Variants in GRHL3 observed in about 807,000 individuals in gnomAD.
GRHL3 encodes grainyhead like transcription factor 3.
GRHL3 carries 20 observed loss-of-function variants against 70.3 expected under a neutral mutation model. The ratio of observed to expected loss-of-function variants is 0.28; its 90% CI spans 0.20 to 0.41. The LOEUF is 0.41. GRHL3 is among the 10% of genes least tolerant of loss of function. The pLI, the probability that GRHL3 is intolerant of heterozygous loss-of-function variation, is 1.00. For synonymous variants in GRHL3, 299 were observed against 299.9 expected, an observed-to-expected ratio of 1.00 and a Z score of 0.03; for missense variants, 637 against 762.3, an observed-to-expected ratio of 0.84 and a Z score of 1.94.
At chr1:24,331,725 T>A in intron 2 of GRHL3, 113 bp downstream of exon 2, 1 of 851,672 alleles carries the variant, frequency 1.2e-6, no homozygotes. Context: ...CTCTGGGCCT[T>A]TGCACAATGC....
rs1051060619 is a variant in GRHL3 at position 24,322,038 on chromosome 1, C to T, written c.17+2470C>T. On this transcript the variant is annotated intron_variant, in intron 1 of 15. Transcript: ENST00000361548. The surrounding 1 kb of genome is among the most constrained non-coding windows in gnomAD (Gnocchi z 4.4). ...GGTTTTCCTGAAGGTGCGTCGGGGC[C>T]CCCGGGGAGCTGGAGCCGCAGGCGA... 1.6e-4 allele frequency: 25 copies of T among 152,208 alleles called. No individual in the cohort carries two copies. Among genetic ancestry groups the T allele is most frequent in the Non-Finnish European group, 1.8e-4 (12 of 67,982 alleles). 9.4% of individuals were successfully genotyped at this position (152,208 alleles called of 1,614,324 possible).
intron 2 of GRHL3, among the ~76,000 whole-genome samples, chr1:24,331,827 G>A (rs1639627257): frequency 1.3e-5 from 2 of 152,152 alleles, no homozygotes; most frequent in Admixed American, 1.3e-4. Context: ...TTCATTCACT[G>A]GAGAGGAGGC....
intron 4 of GRHL3, 64 bp downstream of exon 4, chr1:24,336,891 G>A: frequency 7.3e-7 from 1 of 1,375,114 alleles, no homozygotes; most frequent in Non-Finnish European, 1.0e-6. Flanking sequence ...AATGAGAGAA[G>A]ATAGTGAACA....
Position 24,342,956 on chromosome 1 carries a change from T to C in GRHL3, c.1350T>C (p.Thr450=), listed in dbSNP as rs1640106604. The stretch of plus-strand genomic sequence containing the variant: ...AGACGACCTACCTTCGGCCAGAGAC[T>C]GACCTGGAGACGCCACCCGTGCTGT... The part of the protein sequence containing the change: ...GNETTYLRPE[T]DLETPPVLFI... Residue 450 remains threonine, a synonymous_variant, in exon 11 of 16, where the codon ACT becomes ACC. Transcript: ENST00000361548. The surrounding 1 kb of genome is among the most constrained non-coding windows in gnomAD (Gnocchi z 4.8). The C allele has an allele frequency of 6.2e-7, 1 of 1,613,990 alleles. No individual in the cohort carries two copies. The highest frequency in any genetic ancestry group is 8.5e-7 in the Non-Finnish European group (1 of 1,180,018).
At chr1:24,361,826 T>C (rs1641138514) in intron 15 of GRHL3, among the ~76,000 whole-genome samples, 1 of 152,178 alleles carries the variant, frequency 6.6e-6, no homozygotes, top group African/African-American at 2.4e-5. Context: ...TAACTCATTC[T>C]GGGCCTCAGT....
Position 24,342,813 on chromosome 1 carries a change from GAAGGGGAGA to G in GRHL3, c.1285+43_1285+51del. ...GGGCCTGGGTGGGCTCGGCTGGCGT[GAAGGGGAGA>G]AGGAGACCAGAGGTGGGAGGGACTT... On this transcript the variant is annotated intron_variant, in intron 10 of 15. Transcript: ENST00000361548. The surrounding 1 kb of genome is among the most constrained non-coding windows in gnomAD (Gnocchi z 4.8). 1 of 1,613,794 alleles carries G rather than the reference GAAGGGGAGA, an allele frequency of 6.2e-7. No homozygotes were observed. Among genetic ancestry groups the G allele is most frequent in the Non-Finnish European group, 8.5e-7 (1 of 1,179,646 alleles).
chr1:24,324,837 A>G (rs1374987749), intron 1 of GRHL3, among the ~76,000 whole-genome samples: 1 of 152,126 alleles, frequency 6.6e-6, no homozygotes. Context: ...ATACTGCCTC[A>G]TGCAAACTGG....
chr1:24,329,054 C>T (rs181098110), intron 1 of GRHL3, among the ~76,000 whole-genome samples: 1 of 152,264 alleles, frequency 6.6e-6, no homozygotes, highest in African/African-American at 2.4e-5. Context: ...TGAGGAGGGG[C>T]CTCTTCTCAC....
intron 1 of GRHL3, among the ~76,000 whole-genome samples, chr1:24,325,757 C>A (rs1639365347): frequency 6.6e-6 from 1 of 151,764 alleles, no homozygotes; most frequent in Admixed American, 6.6e-5. Context: ...AGCACTGGCC[C>A]CGGCAATTTG....
chr1:24,337,283 A>T, intron 5 of GRHL3, 132 bp downstream of exon 5: 1 of 649,392 alleles, frequency 1.5e-6, no homozygotes, highest in Non-Finnish European at 2.7e-6. Flanking sequence ...GCAGATAGAT[A>T]GAGGGAGACA....
At chr1:24,340,344 A>C (rs1446147328) in intron 8 of GRHL3, among the ~76,000 whole-genome samples, 1 of 152,206 alleles carries the variant, frequency 6.6e-6, no homozygotes, top group East Asian at 1.9e-4. Flanking sequence ...CCTGCCTGCT[A>C]GGATTGGAGT....
chr1:24,331,870 C>T (rs1639629106), intron 2 of GRHL3, among the ~76,000 whole-genome samples: 1 of 152,218 alleles, frequency 6.6e-6, no homozygotes, highest in South Asian at 2.1e-4. Flanking sequence ...CAACCACCAT[C>T]GTCGTCCTTG....
intron 1 of GRHL3, among the ~76,000 whole-genome samples, chr1:24,324,329 G>A (rs1162416834): frequency 6.6e-6 from 1 of 152,120 alleles, no homozygotes; most frequent in Non-Finnish European, 1.5e-5. Flanking sequence ...CCTGGGTCCT[G>A]ACGATGAAGC....
At chr1:24,320,280 G>C (rs1252816302) in intron 1 of GRHL3, among the ~76,000 whole-genome samples, 1 of 152,232 alleles carries the variant, frequency 6.6e-6, no homozygotes, top group African/African-American at 2.4e-5. Flanking sequence ...CTCTCATTCA[G>C]AGGCAGTTCT....
chr1:24,336,731 T>A lies in GRHL3; in HGVS notation c.516T>A (p.Asp172Glu), dbSNP rs752284034. ...TGTTACCCACCACTGATATGTATGA[T>A]AATGGCTCCCTCAACTCCTTGTTTG... ...SYLLPTTDMY[D>E]NGSLNSLFES... Residue 172 changes from aspartate (D) to glutamate (E), a missense_variant, in exon 4 of 16, where the codon GAT (aspartate) becomes GAA (glutamate). Asp to Glu is a conservative substitution (Grantham distance 45). Coordinates refer to ENST00000361548, the MANE Select transcript of GRHL3 (RefSeq NM_198173.3). 1 of 1,614,018 alleles carries A rather than the reference T, an allele frequency of 6.2e-7. No homozygotes were observed. The highest frequency in any genetic ancestry group is 8.5e-7 in the Non-Finnish European group (1 of 1,180,032).
intron 8 of GRHL3, among the ~76,000 whole-genome samples, chr1:24,340,810 G>A (rs12568599): frequency 0.17 from 26,407 of 152,104 alleles, 2,604 homozygotes; most frequent in South Asian, 0.23. Flanking sequence ...GACTGGCACC[G>A]GGCTGGAGGA....
chr1:24,358,452 C>T (rs746083290), downstream of GRHL3: 8 of 1,123,214 alleles, frequency 7.1e-6, no homozygotes, highest in Middle Eastern at 2.0e-4. Context: ...AGCTGCCACA[C>T]TCATGATCGG....
At chr1:24,358,554 G>A (rs761576155), downstream of GRHL3, 7 of 1,613,952 alleles carry the variant, frequency 4.3e-6, no homozygotes, top group Non-Finnish European at 8.5e-7. Flanking sequence ...TACAGAACCG[G>A]GATCCATTTC....
intron 11 of GRHL3, chr1:24,343,418 G>A (rs1557701465): frequency 5.0e-6 from 1 of 198,582 alleles, no homozygotes; most frequent in Non-Finnish European, 1.1e-5. Flanking sequence ...CTACAGCCCT[G>A]GGAAGTCAAT....
Sources: allele counts gnomAD v4.1 joint callset (sites outside exome capture counted in the v4.1 genomes callset), GRCh38; gene constraint gnomAD v4.1.1; non-coding constraint Gnocchi (gnomAD v3.1); transcripts MANE v1.5; gene names NCBI Gene and HGNC (gene_info 2026-07-23, HGNC 2026-07-21).